ITGB5: variants seen among roughly 807,000 people sequenced by gnomAD.
ITGB5 encodes integrin subunit beta 5, also known as integrin beta-5.
Under a neutral mutation model 84.8 loss-of-function variants are expected in ITGB5, and 38 were observed. The ratio of observed to expected loss-of-function variants is 0.45; its 90% CI spans 0.35 to 0.59. The LOEUF (loss-of-function observed/expected upper bound fraction) is 0.59, where lower values mean the gene tolerates loss of function less well. ITGB5 is among the 20% of genes least tolerant of loss of function. The probability of loss-of-function intolerance (pLI) is 0.01; values close to 1 mark genes in which losing one functional copy is unlikely to be tolerated. For missense variants in ITGB5, 905 were observed against 1,034.5 expected (o/e 0.87, Z 1.72); for synonymous variants, 393 against 414.4 (o/e 0.95, Z 0.63).
intron 4 of ITGB5, among the ~76,000 whole-genome samples, chr3:124,844,411 T>G (rs1025281610): frequency 7.9e-5 from 12 of 151,900 alleles, no homozygotes; most frequent in Non-Finnish European, 1.5e-4. Flanking sequence ...AATACAAAAA[T>G]TAGCTGGGCA....
intron 5 of ITGB5, among the ~76,000 whole-genome samples, chr3:124,824,984 G>A (rs2064763463): frequency 2.0e-5 from 3 of 152,112 alleles, no homozygotes; most frequent in African/African-American, 7.2e-5. Flanking sequence ...GGATCACGAG[G>A]TCAGAAGATC....
intron 9 of ITGB5, among the ~76,000 whole-genome samples, chr3:124,805,444 T>A (rs1048821779): frequency 6.6e-6 from 1 of 151,742 alleles, no homozygotes; most frequent in Non-Finnish European, 1.5e-5. Context: ...TGCCTAGCCA[T>A]TACTGCCATT....
intron 11 of ITGB5, chr3:124,769,385 A>C (rs1395459245): frequency 1.0e-5 from 4 of 395,846 alleles, no homozygotes; most frequent in African/African-American, 4.1e-5. Context: ...AGACAAATCC[A>C]TCTGCACTCT....
chr3:124,881,264 G>A (rs955132446), intron 1 of ITGB5, among the ~76,000 whole-genome samples: 2 of 152,110 alleles, frequency 1.3e-5, no homozygotes, highest in Non-Finnish European at 2.9e-5. Flanking sequence ...GATGATAGGT[G>A]TGAGCCACCC....
chr3:124,864,336 G>A (rs11707014), intron 2 of ITGB5, among the ~76,000 whole-genome samples: 17,900 of 151,900 alleles, frequency 0.12, 1,292 homozygotes, highest in Admixed American at 0.18. Flanking sequence ...TCGATCTCCT[G>A]ACCTCATGAT....
At chr3:124,780,775 G>C (rs904559407) in intron 10 of ITGB5, 1 of 149,258 alleles carries the variant, frequency 6.7e-6, no homozygotes, top group Non-Finnish European at 1.5e-5. Context: ...CCCCGGCAGT[G>C]TCCCCTCCTC....
intron 4 of ITGB5, 25 bp from the exon 5 acceptor site, chr3:124,841,576 A>C: frequency 6.2e-7 from 1 of 1,608,906 alleles, no homozygotes; most frequent in Non-Finnish European, 8.5e-7. Context: ...GAGAAGAGTC[A>C]CTTTTCCATC....
chr3:124,831,405 G>C (rs1258289632), intron 5 of ITGB5, among the ~76,000 whole-genome samples: 1 of 152,116 alleles, frequency 6.6e-6, no homozygotes, highest in African/African-American at 2.4e-5. Flanking sequence ...GGGATCCCCA[G>C]GTCCATTTCA....
intron 2 of ITGB5, among the ~76,000 whole-genome samples, chr3:124,871,683 C>G (rs540608317): frequency 1.3e-5 from 2 of 151,636 alleles, no homozygotes; most frequent in African/African-American, 2.4e-5. Flanking sequence ...TTCAATTAGC[C>G]GAGCACAGTG....
At chr3:124,771,416 G>A (rs1333886530) in intron 11 of ITGB5, among the ~76,000 whole-genome samples, 3 of 152,158 alleles carry the variant, frequency 2.0e-5, no homozygotes, top group African/African-American at 7.2e-5. Context: ...CCTAGGCTGT[G>A]AAAGAGACAG....
chr3:124,878,837 A>G (rs1934447102), intron 1 of ITGB5: 1 of 152,148 alleles, frequency 6.6e-6, no homozygotes, highest in African/African-American at 2.4e-5. Context: ...AACTAAACAC[A>G]CGGAGTTCAC....
intron 5 of ITGB5, among the ~76,000 whole-genome samples, chr3:124,834,596 AAG>A (rs1204282238): frequency 5.5e-5 from 5 of 91,150 alleles, no homozygotes; most frequent in Admixed American, 1.1e-4. Context: ...GAAGGAAGGA[AAG>A]AGAGAGAGAG....
chr3:124,896,714 T>C (rs1935109120), intron 1 of ITGB5, among the ~76,000 whole-genome samples: 1 of 139,774 alleles, frequency 7.2e-6, no homozygotes, highest in Non-Finnish European at 1.5e-5. Context: ...CACTCTGTAC[T>C]CCATCCTGGG....
intron 3 of ITGB5, among the ~76,000 whole-genome samples, chr3:124,853,388 C>T (rs2065182989): frequency 6.6e-6 from 1 of 151,816 alleles, no homozygotes; most frequent in South Asian, 2.1e-4. Context: ...AACAAGGATG[C>T]CAGGCTGTAC....
chr3:124,797,227 G>A lies in ITGB5; in HGVS notation c.1264-410C>T, dbSNP rs142301444. ...CTGCTCACTTAAAAAGTCATTTGGT[G>A]GAAAAACATTTCCTGGGCGCTGCCT... On this transcript the variant is annotated intron_variant, in intron 9 of 14. Coordinates refer to ENST00000296181, the MANE Select transcript of ITGB5 (RefSeq NM_002213.5). Among the ~76,000 whole-genome samples the A allele has an allele frequency of 1.8e-4, 28 of 152,316 alleles. 1 individual carries two copies. In the East Asian group the frequency reaches 5.4e-3, roughly 29 times the overall value.
chr3:124,801,715 C>T (rs79761902), intron 9 of ITGB5, among the ~76,000 whole-genome samples: 1 of 152,330 alleles, frequency 6.6e-6, no homozygotes, highest in Non-Finnish European at 1.5e-5. Flanking sequence ...CCCTGACTTG[C>T]CCATAGCCCT....
chr3:124,764,680 T>A (rs582170), intron 13 of ITGB5, 123 bp from the exon 14 acceptor site: 38,465 of 883,722 alleles, frequency 0.044, 1,289 homozygotes, highest in African/African-American at 0.15. Context: ...CGGCTCTCCC[T>A]TAGATCCTCA....
intron 1 of ITGB5, among the ~76,000 whole-genome samples, chr3:124,892,954 A>G (rs1420618846): frequency 6.6e-6 from 1 of 152,162 alleles, no homozygotes; most frequent in Non-Finnish European, 1.5e-5. Flanking sequence ...ACTATCCTAC[A>G]GTATACCCCT....
intron 5 of ITGB5, among the ~76,000 whole-genome samples, chr3:124,834,814 G>A (rs193030220): frequency 6.6e-6 from 1 of 152,280 alleles, no homozygotes; most frequent in East Asian, 1.9e-4. Flanking sequence ...TCAGAGTAAC[G>A]CACTCCAGGT....
Sources: allele counts gnomAD v4.1 joint callset (sites outside exome capture counted in the v4.1 genomes callset), GRCh38; gene constraint gnomAD v4.1.1; transcripts MANE v1.5; gene names NCBI Gene and HGNC (gene_info 2026-07-23, HGNC 2026-07-21).